Variants in RILPL1 observed in about 807,000 individuals in gnomAD.
RILPL1 encodes the protein RILP-like protein 1.
A neutral mutation model predicts 50.3 loss-of-function variants in RILPL1; 33 were observed. The ratio of observed to expected loss-of-function variants is 0.66; its 90% CI spans 0.50 to 0.88. The LOEUF is 0.88. Among genes scored for constraint, RILPL1 ranks in the 40% least tolerant of loss-of-function variants. RILPL1 has a pLI of 0.00. For synonymous variants in RILPL1, 205 were observed against 228.6 expected, an observed-to-expected ratio of 0.90 and a Z score of 0.93; for missense variants, 418 against 542.5, an observed-to-expected ratio of 0.77 and a Z score of 2.28.
intron 6 of RILPL1, among the ~76,000 whole-genome samples, chr12:123,483,090 G>A (rs1021427040): frequency 5.3e-5 from 8 of 152,188 alleles, no homozygotes; most frequent in African/African-American, 9.7e-5. Context: ...CAACCCACAC[G>A]CCCTGTTTTC....
Position 123,533,520 on chromosome 12 carries a change from G to A in RILPL1, c.-38C>T, listed in dbSNP as rs1344038002. The A allele has an allele frequency of 6.9e-7, 1 of 1,451,334 alleles. No individual in the cohort carries two copies. Among genetic ancestry groups the A allele is most frequent in the Non-Finnish European group, 9.1e-7 (1 of 1,095,188 alleles). The allele number at this position is 1,451,334 out of a possible 1,614,324, so 89.9% of individuals were successfully genotyped here. A position where few individuals can be genotyped will look rare whatever the true frequency, so the allele number is the denominator to read the frequency against. On this transcript the variant is annotated 5_prime_UTR_variant, in exon 1 of 7. The change creates a new upstream start codon in the 5' untranslated region. Transcript: ENST00000376874. The surrounding 1 kb of genome is among the most constrained non-coding windows in gnomAD (Gnocchi z 6.2). ...GGCCTGTCCCCCGCCCCGCAAACTC[G>A]TGCAACTCCCAAACTTGCCGCTGTC...
intron 4 of RILPL1, among the ~76,000 whole-genome samples, chr12:123,496,917 G>A (rs1566124094): frequency 6.6e-6 from 1 of 152,158 alleles, no homozygotes; most frequent in Non-Finnish European, 1.5e-5. Flanking sequence ...GTCCCCAAAG[G>A]GAACTCCATG....
chr12:123,531,286 T>G (rs7131874), intron 1 of RILPL1, among the ~76,000 whole-genome samples: 151,086 of 152,246 alleles, frequency 0.99, 74,978 homozygotes, highest in Middle Eastern at 1. Context: ...AGCTGAACAC[T>G]TTCCAGAGGC....
Position 123,485,483 on chromosome 12 carries a change from T to C in RILPL1, c.974+150A>G. On this transcript the variant is annotated intron_variant, in intron 5 of 6. Transcript: ENST00000376874. The surrounding 1 kb of genome is among the most constrained non-coding windows in gnomAD (Gnocchi z 4.0). ...GAGTTTCAGAAAGGGGTTGTGAGCT[T>C]GTATGTAAGTTCTTTAGGCCAGAGA... 1 of 698,028 alleles carries C rather than the reference T, an allele frequency of 1.4e-6. No homozygotes were observed. Among genetic ancestry groups the C allele is most frequent in the Non-Finnish European group, 2.4e-6 (1 of 417,262 alleles). The allele number at this position is 698,028 out of a possible 1,614,324, so 43.2% of individuals were successfully genotyped here. A position where few individuals can be genotyped will look rare whatever the true frequency, so the allele number is the denominator to read the frequency against.
rs1214474235 is a variant in RILPL1, at chr12:123,522,174, T to A, written c.460+1321A>T. On this transcript the variant is annotated intron_variant, in intron 2 of 6. Transcript: ENST00000376874. The surrounding 1 kb of genome is among the most constrained non-coding windows in gnomAD (Gnocchi z 4.0). ...CCATCAAACATGAGGAAGAGGCTCA[T>A]GTGGGGAGCTAAGGAGTTTCTCAGA... 6.6e-5 allele frequency among the ~76,000 whole-genome samples: 10 copies of A among 152,140 alleles called. No homozygotes were observed. The highest frequency in any genetic ancestry group is 1.5e-4 in the Non-Finnish European group (10 of 68,016).
chr12:123,510,888 G>C (rs532928857), intron 2 of RILPL1, among the ~76,000 whole-genome samples: 2 of 147,944 alleles, frequency 1.4e-5, no homozygotes, highest in South Asian at 4.3e-4. Context: ...GTGTGTGTGA[G>C]GTCTGTGTGT....
In RILPL1 at chr12:123,533,185, T is replaced by G; in HGVS notation, c.298A>C (p.Lys100Gln). The G allele has an allele frequency of 6.4e-7, 1 of 1,558,242 alleles. No individual in the cohort carries two copies. The highest frequency in any genetic ancestry group is 1.4e-5 in the African/African-American group (1 of 74,032). The change falls in exon 1 of 7, where the codon AAG (lysine) becomes CAG (glutamine). Residue 100 changes from lysine to glutamine, a missense_variant. Transcript: ENST00000376874. The surrounding 1 kb of genome is among the most constrained non-coding windows in gnomAD (Gnocchi z 6.2). ...AGGCCGCCGCCCACCTTCTGGTGCT[T>G]GCGCTCCTTCTCGATGCGGTCCATC... ...ERMDRIEKERKHQKELELVED... is the reference protein window; with the variant it reads ...ERMDRIEKERQHQKELELVED...
intron 2 of RILPL1, chr12:123,513,456 A>G (rs1289772165): frequency 3.8e-6 from 1 of 264,466 alleles, no homozygotes; most frequent in African/African-American, 2.3e-5. Flanking sequence ...GAAGCCCAGC[A>G]GCCTCATCAC....
chr12:123,526,382 G>A (rs1272021718), intron 1 of RILPL1, among the ~76,000 whole-genome samples: 1 of 152,058 alleles, frequency 6.6e-6, no homozygotes, highest in African/African-American at 2.4e-5. Context: ...GGAGCCTGCC[G>A]CCCTAAGTCT....
chr12:123,510,383 T>C (rs1464583706), intron 2 of RILPL1, among the ~76,000 whole-genome samples: 1 of 150,334 alleles, frequency 6.7e-6, no homozygotes, highest in African/African-American at 2.4e-5. Flanking sequence ...TGTGTGTGTG[T>C]GGTGTGTGAG....
intron 1 of RILPL1, among the ~76,000 whole-genome samples, chr12:123,525,387 T>TTC (rs1885213975): frequency 6.7e-6 from 1 of 149,272 alleles, no homozygotes; most frequent in Non-Finnish European, 1.5e-5. Flanking sequence ...TGGCTAATTT[T>TTC]TTTTTTTTTT....
intron 4 of RILPL1, among the ~76,000 whole-genome samples, chr12:123,494,590 C>T (rs541850082): frequency 3.3e-5 from 5 of 152,170 alleles, no homozygotes; most frequent in Non-Finnish European, 7.3e-5. Context: ...AGGAGACCAG[C>T]CTGAGCTCCC....
chr12:123,513,431 G>T (rs981321350), intron 2 of RILPL1: 38 of 299,426 alleles, frequency 1.3e-4, no homozygotes, highest in Admixed American at 3.8e-5. Flanking sequence ...AGAGAGGGGC[G>T]GCTGGGTCTA....
chr12:123,518,917 C>A (rs957198460), intron 2 of RILPL1, among the ~76,000 whole-genome samples: 4 of 151,702 alleles, frequency 2.6e-5, no homozygotes, highest in Non-Finnish European at 5.9e-5. Flanking sequence ...ATTAGCTGAG[C>A]GTGGTGGCAC....
chr12:123,479,335 G>A (rs1881805138), intron 6 of RILPL1, among the ~76,000 whole-genome samples: 1 of 152,130 alleles, frequency 6.6e-6, no homozygotes, highest in Non-Finnish European at 1.5e-5. Flanking sequence ...AATTGCTGCA[G>A]GAGGAGGGGT....
rs1257507014 is a variant in RILPL1 at position 123,523,630 on chromosome 12, C to T, written c.325G>A (p.Glu109Lys). 4 of 1,613,588 alleles carry T rather than the reference C, an allele frequency of 2.5e-6. No individual in the cohort carries two copies. The highest frequency in any genetic ancestry group is 3.4e-6 in the Non-Finnish European group (4 of 1,179,816). ...RKHQKELELV[E>K]DVWRGEAQDL... is the part of the protein sequence containing the mutation. ...TGCGCCTCCCCTCGCCACACATCCT[C>T]CACCAGCTCCAGCTCCTGCCAAGGC... Residue 109 changes from glutamate (E) to lysine (K), a missense_variant, in exon 2 of 7, where the codon GAG becomes AAG. Coordinates refer to ENST00000376874, the MANE Select transcript of RILPL1 (RefSeq NM_178314.5).
intron 2 of RILPL1, among the ~76,000 whole-genome samples, 169 bp downstream of exon 2, chr12:123,523,326 T>A (rs1036119679): frequency 1.3e-5 from 2 of 152,226 alleles, no homozygotes; most frequent in Non-Finnish European, 2.9e-5. Flanking sequence ...GGCTACGTGA[T>A]GTTTCTCTGG....
At chr12:123,520,670 A>T (rs1307091737) in intron 2 of RILPL1, among the ~76,000 whole-genome samples, 1 of 152,212 alleles carries the variant, frequency 6.6e-6, no homozygotes, top group East Asian at 1.9e-4. Context: ...TGCTGCTAGA[A>T]AACTTTCTAA....
intron 2 of RILPL1, among the ~76,000 whole-genome samples, chr12:123,512,432 CTGTG>C (rs1268545195): frequency 4.3e-5 from 3 of 69,320 alleles, no homozygotes; most frequent in African/African-American, 1.2e-4. Context: ...TGTCTGAGGT[CTGTG>C]TGTGTGGTGT....
Sources: gnomAD v4.1 joint callset for allele counts (sites outside exome capture counted in the v4.1 genomes callset) on GRCh38, gnomAD v4.1.1 for gene constraint, Gnocchi (gnomAD v3.1) non-coding constraint, MANE v1.5 for transcripts, NCBI Gene and HGNC (gene_info 2026-07-23, HGNC 2026-07-21) for gene names.